NLGN1: variants seen among roughly 807,000 people sequenced by gnomAD.
NLGN1 encodes neuroligin-1.
A neutral mutation model predicts 65.5 loss-of-function variants in NLGN1; 12 were observed. The observed-to-expected ratio is 0.18, with a 90% CI of 0.12 to 0.30. The LOEUF is 0.30. Among genes scored for constraint, NLGN1 ranks in the 10% least tolerant of loss-of-function variants. The pLI is 1.00. For missense variants in NLGN1, 750 were observed against 1,007.1 expected (o/e 0.74, Z 3.46); for synonymous variants, 350 against 359.5 (o/e 0.97, Z 0.30).
At chr3:173,879,598 G>T in intron 4 of NLGN1, among the ~76,000 whole-genome samples, 2 of 150,788 alleles carry the variant, frequency 1.3e-5, no homozygotes, top group South Asian at 2.1e-4. Context: ...ATTTTCATTA[G>T]TTGCCTCTTC....
At chr3:174,241,302 A>G (rs1742758966) in intron 4 of NLGN1, among the ~76,000 whole-genome samples, 1 of 151,842 alleles carries the variant, frequency 6.6e-6, no homozygotes, top group African/African-American at 2.4e-5. Flanking sequence ...TGTTTTATAT[A>G]TTTTTTCTTT....
intron 4 of NLGN1, among the ~76,000 whole-genome samples, chr3:173,903,919 CT>C (rs35144604): frequency 6.6e-6 from 1 of 151,978 alleles, no homozygotes; most frequent in African/African-American, 2.4e-5. Context: ...TACTTGTAGT[CT>C]TTTTTCCCCA....
At chr3:174,125,956 A>G (rs1718858699) in intron 4 of NLGN1, among the ~76,000 whole-genome samples, 2 of 152,140 alleles carry the variant, frequency 1.3e-5, no homozygotes, top group African/African-American at 4.8e-5. Context: ...GGCAGACATC[A>G]TGCAAGACCT....
intron 4 of NLGN1, among the ~76,000 whole-genome samples, chr3:173,918,484 T>C: frequency 6.6e-6 from 1 of 151,824 alleles, no homozygotes; most frequent in South Asian, 2.1e-4. Flanking sequence ...AATACAAAGA[T>C]TAGCGCCATG....
chr3:173,761,653 C>A (rs536617212), intron 3 of NLGN1, among the ~76,000 whole-genome samples: 7 of 152,028 alleles, frequency 4.6e-5, no homozygotes. Context: ...TAATAGACTT[C>A]TTTAATAACC....
chr3:173,963,827 G>A (rs2152352903), intron 4 of NLGN1, among the ~76,000 whole-genome samples: 1 of 152,236 alleles, frequency 6.6e-6, no homozygotes, highest in South Asian at 2.1e-4. Context: ...AACAGAGGTG[G>A]GCAGACTTGG....
intron 4 of NLGN1, among the ~76,000 whole-genome samples, chr3:174,187,444 G>T (rs1232469093): frequency 5.3e-5 from 8 of 151,960 alleles, no homozygotes; most frequent in South Asian, 2.1e-4. Context: ...ACATTGTTTT[G>T]TCCCTGGCAC....
At chr3:174,278,282 T>C (rs906236710) in intron 5 of NLGN1, among the ~76,000 whole-genome samples, 8 of 151,966 alleles carry the variant, frequency 5.3e-5, no homozygotes, top group Non-Finnish European at 1.2e-4. Flanking sequence ...GGAAAGAGTA[T>C]GTCTAAAGTG....
chr3:173,814,106 G>A (rs780779753), intron 4 of NLGN1, among the ~76,000 whole-genome samples: 64 of 152,338 alleles, frequency 4.2e-4, no homozygotes, highest in Middle Eastern at 3.4e-3. Flanking sequence ...CGCAGGGTTC[G>A]TGGGGTCTGT....
At chr3:173,913,783 G>T (rs1383628686) in intron 4 of NLGN1, among the ~76,000 whole-genome samples, 2 of 152,154 alleles carry the variant, frequency 1.3e-5, no homozygotes, top group South Asian at 2.1e-4. Flanking sequence ...ACTATAAGGT[G>T]TTCTTAATTT....
rs139965930 is a variant in NLGN1 at position 174,273,188 on chromosome 3, A to G, written c.647-2127A>G. On this transcript the variant is annotated intron_variant, in intron 4 of 6. Transcript: ENST00000457714. ...TTATGAGTAAGTGAATTCTGTATGG[A>G]TGTAAAGATTCATTTGAATGTAACT... 2.0e-5 allele frequency among the ~76,000 whole-genome samples: 3 copies of G among 151,784 alleles called. No homozygotes were observed. In the East Asian group the frequency reaches 5.8e-4, roughly 30 times the overall value.
chr3:174,056,719 C>T (rs1327106166), intron 4 of NLGN1, among the ~76,000 whole-genome samples: 4 of 152,064 alleles, frequency 2.6e-5, no homozygotes, highest in East Asian at 1.9e-4. Context: ...TTTACAAATA[C>T]GTTCAAGCAC....
At chr3:173,505,502 T>C (rs1731884579) in intron 2 of NLGN1, among the ~76,000 whole-genome samples, 1 of 152,112 alleles carries the variant, frequency 6.6e-6, no homozygotes, top group South Asian at 2.1e-4. Flanking sequence ...ATCTGCCTCC[T>C]CTCCAGAGAA....
chr3:173,422,070 TATC>T (rs905197706), intron 1 of NLGN1, among the ~76,000 whole-genome samples: 9 of 145,854 alleles, frequency 6.2e-5, no homozygotes, highest in African/African-American at 1.3e-4. Context: ...CTCAAACACT[TATC>T]ATGATATATA....
At chr3:173,763,267 C>T (rs1778264354) in intron 3 of NLGN1, among the ~76,000 whole-genome samples, 1 of 152,030 alleles carries the variant, frequency 6.6e-6, no homozygotes, top group African/African-American at 2.4e-5. Flanking sequence ...AAGTACCTGA[C>T]CCCTTTTTTT....
intron 2 of NLGN1, among the ~76,000 whole-genome samples, chr3:173,437,188 G>A (rs1237283847): frequency 6.6e-6 from 1 of 152,182 alleles, no homozygotes; most frequent in Admixed American, 6.5e-5. Context: ...CCTATACTTG[G>A]AATAATTTGA....
intron 3 of NLGN1, among the ~76,000 whole-genome samples, chr3:173,645,886 C>A (rs1204670624): frequency 6.6e-6 from 1 of 152,162 alleles, no homozygotes; most frequent in African/African-American, 2.4e-5. Flanking sequence ...TCTCCTCGGC[C>A]CCCACCCAGT....
chr3:173,450,681 C>T (rs1351880899), intron 2 of NLGN1, among the ~76,000 whole-genome samples: 9 of 152,158 alleles, frequency 5.9e-5, no homozygotes, highest in Admixed American at 1.3e-4. Flanking sequence ...CCATTCTCCC[C>T]GTCACTTTCA....
intron 4 of NLGN1, among the ~76,000 whole-genome samples, chr3:173,879,116 C>G (rs1732737072): frequency 6.6e-6 from 1 of 151,796 alleles, no homozygotes; most frequent in East Asian, 1.9e-4. Context: ...GTCTGTAGTC[C>G]CTGAGTACAG....
Sources: gnomAD v4.1 joint callset for allele counts (sites outside exome capture counted in the v4.1 genomes callset) on GRCh38, gnomAD v4.1.1 for gene constraint, MANE v1.5 for transcripts, NCBI Gene and HGNC (gene_info 2026-07-23, HGNC 2026-07-21) for gene names.